The following AKAP19 variants were observed in gnomAD, a reference collection of about 807,000 sequenced individuals.
AKAP19 encodes small A-kinase anchoring protein.
At chr2:190,186,124 TTA>T in the AKAP19 span, among the ~76,000 whole-genome samples, 1 of 151,936 alleles carries the variant, frequency 6.6e-6, no homozygotes, top group Non-Finnish European at 1.5e-5. This position sits in a 1 kb window ranked among gnomAD's most constrained non-coding sequence, Gnocchi z 5.5. Context: ...GCTGATTTTT[TTA>T]GTTTTAGTAG....
the AKAP19 span, among the ~76,000 whole-genome samples, chr2:190,109,791 T>C: frequency 1.3e-5 from 2 of 152,198 alleles, no homozygotes; most frequent in Non-Finnish European, 2.9e-5. Flanking sequence ...ACTTGCCCTG[T>C]GAGCCCTAGG....
At chr2:190,128,568 T>G in the AKAP19 span, among the ~76,000 whole-genome samples, 1 of 152,204 alleles carries the variant, frequency 6.6e-6, no homozygotes, top group African/African-American at 2.4e-5. Context: ...CCCATTTAAA[T>G]CAGGATATCT....
the AKAP19 span, among the ~76,000 whole-genome samples, chr2:190,065,231 A>G: frequency 2.6e-5 from 4 of 152,006 alleles, no homozygotes; most frequent in Non-Finnish European, 4.4e-5. Flanking sequence ...TGGTGTTCCT[A>G]TGTTCCTAAT....
chr2:190,108,836 G>T, the AKAP19 span, among the ~76,000 whole-genome samples: 8 of 149,286 alleles, frequency 5.4e-5, no homozygotes, highest in Non-Finnish European at 1.0e-4. Context: ...TTCCATAAAG[G>T]CCTCATTTGA....
the AKAP19 span, among the ~76,000 whole-genome samples, chr2:190,003,542 A>G: frequency 2.6e-4 from 39 of 152,150 alleles, no homozygotes; most frequent in Admixed American, 1.3e-3. Context: ...CTTTCTTAAT[A>G]AACTTGCTTT....
At chr2:189,951,194 C>CAT in the AKAP19 span, among the ~76,000 whole-genome samples, 1 of 60,408 alleles carries the variant, frequency 1.7e-5, no homozygotes, top group Non-Finnish European at 2.9e-5. Flanking sequence ...CTGAATCCTC[C>CAT]TTTTTTTTTT....
At chr2:190,091,153 T>C in the AKAP19 span, among the ~76,000 whole-genome samples, 33 of 152,346 alleles carry the variant, frequency 2.2e-4, no homozygotes, top group South Asian at 4.8e-3. Context: ...TTTCTAAGAA[T>C]AGGAAATGCC....
At chr2:190,000,028 A>C in the AKAP19 span, among the ~76,000 whole-genome samples, 1 of 152,368 alleles carries the variant, frequency 6.6e-6, no homozygotes, top group East Asian at 1.9e-4. Context: ...AGAGTTAAAC[A>C]GTTAGACTTC....
the AKAP19 span, among the ~76,000 whole-genome samples, chr2:189,971,473 A>G: frequency 6.6e-6 from 1 of 152,142 alleles, no homozygotes; most frequent in Non-Finnish European, 1.5e-5. Context: ...TAGCAGCGTG[A>G]TTTATAATCC....
the AKAP19 span, among the ~76,000 whole-genome samples, chr2:190,176,932 C>A: frequency 6.6e-6 from 1 of 152,130 alleles, no homozygotes; most frequent in Non-Finnish European, 1.5e-5. The surrounding 1 kb of genome is among the most constrained non-coding windows in gnomAD (Gnocchi z 4.7). Flanking sequence ...AAAACTAGCA[C>A]ATAAAACCTG....
At chr2:190,109,423 T>A in the AKAP19 span, among the ~76,000 whole-genome samples, 1 of 152,088 alleles carries the variant, frequency 6.6e-6, no homozygotes, top group Non-Finnish European at 1.5e-5. Flanking sequence ...ACCTCCATGT[T>A]GCCCCCTCCG....
the AKAP19 span, among the ~76,000 whole-genome samples, chr2:190,039,665 C>T: frequency 1.3e-5 from 2 of 151,874 alleles, no homozygotes; most frequent in Non-Finnish European, 2.9e-5. Flanking sequence ...GCTTGTCTCC[C>T]TCCTCCCACC....
the AKAP19 span, among the ~76,000 whole-genome samples, chr2:190,163,677 T>G: frequency 1.3e-5 from 2 of 152,188 alleles, no homozygotes; most frequent in Non-Finnish European, 2.9e-5. Context: ...TGCAAACAAT[T>G]TATTATAATT....
chr2:190,078,261 C>T, the AKAP19 span, among the ~76,000 whole-genome samples: 1 of 152,142 alleles, frequency 6.6e-6, no homozygotes, highest in African/African-American at 2.4e-5. Context: ...TCATTTGTTT[C>T]CCTTCTCCTA....
At chr2:190,034,856 C>A in the AKAP19 span, among the ~76,000 whole-genome samples, 8 of 68,626 alleles carry the variant, frequency 1.2e-4, no homozygotes, top group African/African-American at 4.4e-4. Context: ...CCTGTCTCAC[C>A]AAAAAAAAAA....
chr2:190,179,896 C>A, the AKAP19 span, among the ~76,000 whole-genome samples: 2 of 152,116 alleles, frequency 1.3e-5, no homozygotes, highest in African/African-American at 4.8e-5. The surrounding 1 kb of genome is among the most constrained non-coding windows in gnomAD (Gnocchi z 6.0). Context: ...TTTTGTAGTT[C>A]TCTTGGGACT....
chr2:189,957,798 AGCTACT>A, the AKAP19 span, among the ~76,000 whole-genome samples: 1 of 152,078 alleles, frequency 6.6e-6, no homozygotes, highest in African/African-American at 2.4e-5. Context: ...TGAAAAGACA[AGCTACT>A]GTGAAAATAT....
chr2:190,172,924 C>G, the AKAP19 span, among the ~76,000 whole-genome samples: 894 of 152,092 alleles, frequency 5.9e-3, 14 homozygotes, highest in African/African-American at 0.02. Flanking sequence ...ACCAGCCTGC[C>G]CAAAATGGCG....
the AKAP19 span, among the ~76,000 whole-genome samples, chr2:190,166,317 C>CTTTTTTTTTTTTTTTT: frequency 7.2e-4 from 47 of 65,298 alleles, 4 homozygotes; most frequent in African/African-American, 2.8e-3. Flanking sequence ...AAAATCCACT[C>CTTTTTTTTTTTTTTTT]TTTTTTTTTT....
Sources: allele counts gnomAD v4.1 joint callset (sites outside exome capture counted in the v4.1 genomes callset), GRCh38; gene constraint gnomAD v4.1.1; non-coding constraint Gnocchi (gnomAD v3.1); transcripts MANE v1.5; gene names NCBI Gene and HGNC (gene_info 2026-07-23, HGNC 2026-07-21).